Variants in CALD1 observed in about 807,000 individuals in gnomAD.
CALD1 encodes caldesmon 1, also known as caldesmon.
Under a neutral mutation model 99.9 loss-of-function variants are expected in CALD1, and 33 were observed. The observed-to-expected ratio is 0.33, with a 90% CI of 0.25 to 0.44. CALD1 has a LOEUF of 0.44. Among genes scored for constraint, CALD1 ranks in the 20% least tolerant of loss-of-function variants. CALD1 has a pLI of 1.00. For missense variants in CALD1, 861 were observed against 962.1 expected, an observed-to-expected ratio of 0.89 and a Z score of 1.39; for synonymous variants, 310 against 325.0, an observed-to-expected ratio of 0.95 and a Z score of 0.50.
At chr7:134,781,750 A>C (rs142120535) in intron 1 of CALD1, among the ~76,000 whole-genome samples, 1 of 152,380 alleles carries the variant, frequency 6.6e-6, no homozygotes, top group East Asian at 1.9e-4. Context: ...AAGTATTCGA[A>C]GCAAATAGAA....
chr7:134,867,848 A>G, intron 3 of CALD1, 44 bp downstream of exon 3: 1 of 1,320,500 alleles, frequency 7.6e-7, no homozygotes, highest in Non-Finnish European at 1.1e-6. Flanking sequence ...CTTATTAACA[A>G]CCTTGGTTTC....
At chr7:134,766,487 G>C (rs569042179) in intron 1 of CALD1, among the ~76,000 whole-genome samples, 1 of 152,252 alleles carries the variant, frequency 6.6e-6, no homozygotes, top group South Asian at 2.1e-4. Flanking sequence ...GGTGTTTTTA[G>C]CAATGCTAGA....
At chr7:134,897,915 C>A (rs2132568878) in intron 3 of CALD1, among the ~76,000 whole-genome samples, 1 of 151,962 alleles carries the variant, frequency 6.6e-6, no homozygotes. Context: ...CGCTGTATTG[C>A]CCATGCTGGT....
intron 1 of CALD1, among the ~76,000 whole-genome samples, chr7:134,756,718 A>G (rs1344491840): frequency 6.6e-6 from 1 of 152,206 alleles, no homozygotes; most frequent in Non-Finnish European, 1.5e-5. Context: ...CTTCCTGAAT[A>G]TTATTATGAC....
At chr7:134,814,612 G>A (rs971949564) in intron 1 of CALD1, among the ~76,000 whole-genome samples, 2 of 152,176 alleles carry the variant, frequency 1.3e-5, no homozygotes, top group Non-Finnish European at 2.9e-5. Context: ...ACAAAGCCCT[G>A]GGGACCACCT....
chr7:134,771,444 T>G (rs979204201), intron 1 of CALD1, among the ~76,000 whole-genome samples: 5 of 152,280 alleles, frequency 3.3e-5, no homozygotes, highest in Admixed American at 1.3e-4. Context: ...CCTCTCTTTT[T>G]CTCACAGTCC....
chr7:134,875,675 C>T (rs576760430), intron 3 of CALD1, among the ~76,000 whole-genome samples: 4 of 152,294 alleles, frequency 2.6e-5, no homozygotes, highest in East Asian at 3.9e-4. Context: ...TTTTCGTCAC[C>T]GTGGGACAGA....
intron 1 of CALD1, among the ~76,000 whole-genome samples, chr7:134,766,609 A>C (rs1449090696): frequency 6.6e-6 from 1 of 152,188 alleles, no homozygotes; most frequent in African/African-American, 2.4e-5. Flanking sequence ...CTTCATATGC[A>C]TTTTATTTCA....
intron 1 of CALD1, among the ~76,000 whole-genome samples, chr7:134,785,083 A>C (rs2131707975): frequency 6.6e-6 from 1 of 152,306 alleles, no homozygotes; most frequent in Admixed American, 6.5e-5. Context: ...TTTTAGTTAG[A>C]AGAGAAATTG....
Position 134,960,261 on chromosome 7 carries a change from G to GCT in CALD1, c.2199+150_2199+151insCT, listed in dbSNP as rs1808160088. ...TGCAATGACCACAAAAGCAAGCTCAGAGAGAATGTGTTTGTGAGGTTGCAT... is the reference window on the plus strand; with the variant it reads ...TGCAATGACCACAAAAGCAAGCTCAGCTAGAGAATGTGTTTGTGAGGTTGCAT... On this transcript the variant is annotated intron_variant, in intron 12 of 14. Transcript: ENST00000361675. 6 of 891,448 alleles carry GCT rather than the reference G, an allele frequency of 6.7e-6. No individual in the cohort carries two copies. The Middle Eastern group carries it at 1.0e-3, about 156-fold the overall frequency. 55.2% of individuals were successfully genotyped at this position (891,448 alleles called of 1,614,324 possible). A position where few individuals can be genotyped will look rare whatever the true frequency, so the allele number is the denominator to read the frequency against.
rs1410691700 is a variant in CALD1, at chr7:134,950,569, CCCCTTGT to C, written c.1935+56_1935+62del. Reference sequence around the variant, plus strand: ...GAATATGATAGAGACTGGATTTTAGCCCCTTGTTTAGTTATTGATTATACAGGGCCTT... The same window carrying C: ...GAATATGATAGAGACTGGATTTTAGCTTAGTTATTGATTATACAGGGCCTT... On this transcript the variant is annotated intron_variant, in intron 9 of 14. Coordinates refer to ENST00000361675, the MANE Select transcript of CALD1 (RefSeq NM_033138.4). 2.1e-6 allele frequency: 3 copies of C among 1,446,896 alleles called. No individual in the cohort carries two copies. In the East Asian group the frequency reaches 6.8e-5, roughly 33 times the overall value. The allele number at this position is 1,446,896 out of a possible 1,614,324, so 89.6% of individuals were successfully genotyped here.
At position 134,915,756 on chromosome 7, in the gene CALD1, T is replaced by C. The variant is rs923468905; in HGVS notation, c.72-12998T>C. Among the ~76,000 whole-genome samples, 5 of 152,290 alleles carry C rather than the reference T, an allele frequency of 3.3e-5. No homozygotes were observed. The East Asian group carries it at 9.6e-4, about 29-fold the overall frequency. ...TAAAACATTCACATTTTTATAGGGG[T>C]CTTCTATTAACTCAAAGGGAGTCTT... On this transcript the variant is annotated intron_variant, in intron 3 of 14. Transcript: ENST00000361675.
the CALD1 span, among the ~76,000 whole-genome samples, chr7:134,718,507 T>G: frequency 2.0e-5 from 3 of 152,178 alleles, no homozygotes; most frequent in African/African-American, 7.2e-5. Context: ...ATACTTATAT[T>G]TATTTGTATA....
intron 3 of CALD1, among the ~76,000 whole-genome samples, chr7:134,897,961 G>A (rs1482822529): frequency 6.6e-6 from 1 of 151,848 alleles, no homozygotes; most frequent in Admixed American, 6.6e-5. Context: ...CTCCCACCTC[G>A]GCCTCCCAAA....
At chr7:134,719,691 T>C in the CALD1 span, among the ~76,000 whole-genome samples, 1 of 152,324 alleles carries the variant, frequency 6.6e-6, no homozygotes, top group Non-Finnish European at 1.5e-5. Context: ...CATTTTGTTT[T>C]GCTTGGACGT....
chr7:134,872,607 A>G (rs1392922535), intron 3 of CALD1, among the ~76,000 whole-genome samples: 1 of 152,190 alleles, frequency 6.6e-6, no homozygotes. Context: ...GGTCACCAGT[A>G]GGGACAGTAT....
chr7:134,810,451 G>T (rs905659595), intron 1 of CALD1, among the ~76,000 whole-genome samples: 1 of 152,076 alleles, frequency 6.6e-6, no homozygotes, highest in African/African-American at 2.4e-5. Context: ...ACTATTAGTA[G>T]GGTACATGCA....
At chr7:134,750,022 T>C (rs1160728702) in intron 1 of CALD1, among the ~76,000 whole-genome samples, 1 of 152,066 alleles carries the variant, frequency 6.6e-6, no homozygotes, top group Non-Finnish European at 1.5e-5. Flanking sequence ...GTCTCTGAAC[T>C]TGAAAGAGTG....
chr7:134,777,054 G>A (rs746639550), upstream of CALD1, among the ~76,000 whole-genome samples: 10 of 152,002 alleles, frequency 6.6e-5, no homozygotes, highest in African/African-American at 2.4e-4. Flanking sequence ...TATAAATCTC[G>A]TGTATTTTTA....
Sources: gnomAD v4.1 joint callset for allele counts (sites outside exome capture counted in the v4.1 genomes callset) on GRCh38, gnomAD v4.1.1 for gene constraint, MANE v1.5 for transcripts, NCBI Gene and HGNC (gene_info 2026-07-23, HGNC 2026-07-21) for gene names.